The following TGFBI variants were observed in gnomAD, a reference collection of about 807,000 sequenced individuals.
TGFBI encodes the protein transforming growth factor-beta-induced protein ig-h3.
In TGFBI, 50 loss-of-function variants were observed where a neutral mutation model predicts 73.7. The ratio of observed to expected loss-of-function variants is 0.68; its 90% confidence interval spans 0.54 to 0.86. The LOEUF (loss-of-function observed/expected upper bound fraction) is 0.86. TGFBI is among the 40% of genes least tolerant of loss of function. The pLI, the probability that TGFBI is intolerant of heterozygous loss-of-function variation, is 0.00. For synonymous variants in TGFBI, 362 were observed against 360.5 expected (o/e 1.00, Z -0.05); for missense variants, 839 against 877.0 (o/e 0.96, Z 0.55).
intron 6 of TGFBI, chr5:136,049,078 G>C (rs1407849943): frequency 4.7e-6 from 1 of 213,174 alleles, no homozygotes; most frequent in Non-Finnish European, 9.5e-6. Flanking sequence ...CGGTGAGATG[G>C]GGTGGGAAGT....
intron 15 of TGFBI, 80 bp downstream of exon 15, chr5:136,061,659 CCT>C (rs1426527840): frequency 8.3e-7 from 1 of 1,207,190 alleles, no homozygotes; most frequent in Non-Finnish European, 1.2e-6. Flanking sequence ...CTCTCCAGCC[CCT>C]GTCTTCCTTG....
chr5:136,045,080 G>A lies in TGFBI; in HGVS notation c.298+958G>A, dbSNP rs552442888. ...GGGTGAAGAACCCACAGATACGAAGGGCCAACTGTATTGGCTATTTTTTTA... is the reference window on the plus strand; with the variant it reads ...GGGTGAAGAACCCACAGATACGAAGAGCCAACTGTATTGGCTATTTTTTTA... On this transcript the variant is annotated intron_variant, in intron 3 of 16. Transcript: ENST00000442011. Among the ~76,000 whole-genome samples the A allele has an allele frequency of 9.9e-5, 15 of 152,206 alleles. No individual in the cohort carries two copies. The South Asian group carries it at 2.9e-3, about 29-fold the overall frequency.
chr5:136,047,736 C>T (rs927315530), intron 6 of TGFBI: 11 of 314,486 alleles, frequency 3.5e-5, no homozygotes, highest in Non-Finnish European at 1.2e-5. Context: ...GGTGGCAGTT[C>T]CCACATGGGG....
chr5:136,032,748 C>T (rs1751143899), intron 1 of TGFBI, among the ~76,000 whole-genome samples: 1 of 152,134 alleles, frequency 6.6e-6, no homozygotes, highest in Non-Finnish European at 1.5e-5. Context: ...CTGACCACGC[C>T]TCTCCTGACT....
chr5:136,046,342 ACT>A lies in TGFBI; in HGVS notation c.310_311del (p.Ser104LysfsTer27). The A allele has an allele frequency of 6.2e-7, 1 of 1,613,348 alleles. No individual in the cohort carries two copies. The highest frequency in any genetic ancestry group is 8.5e-7 in the Non-Finnish European group (1 of 1,179,678). ...TGTCTTCTGCTCCTGCAGCCCTACC[ACT>A]CTCAAACCTTTACGAGACCCTGGGA... Reference protein sequence around the residue: ...GEKGCPAALPLSNLYETLGVV... With the variant: ...GEKGCPAALPXSNLYETLGVV... On this transcript the variant is annotated frameshift_variant, in exon 4 of 17. Transcript: ENST00000442011. LOFTEE classifies it high-confidence loss of function.
In TGFBI at chr5:136,059,078, C is replaced by T. The variant is rs373096083; in HGVS notation, c.1679-12C>T. 1.6e-5 allele frequency: 25 copies of T among 1,609,122 alleles called. No individual in the cohort carries two copies. Among genetic ancestry groups the T allele is most frequent in the African/African-American group, 8.0e-5 (6 of 74,846 alleles). On this transcript the variant is annotated splice_polypyrimidine_tract_variant and intron_variant, in intron 12 of 16. Transcript: ENST00000442011. ...TGGGATTAACTCTATCTCCTTTTCCCGCAACCTGCAGGAGATGCCAAGGAA... is the reference window on the plus strand; with the variant it reads ...TGGGATTAACTCTATCTCCTTTTCCTGCAACCTGCAGGAGATGCCAAGGAA...
chr5:136,047,591 C>A, intron 6 of TGFBI, 171 bp downstream of exon 6: 1 of 770,336 alleles, frequency 1.3e-6, no homozygotes, highest in Non-Finnish European at 2.1e-6. Context: ...AGACATTCAG[C>A]TTGACCTAAC....
chr5:136,055,582 T>C (rs997522670), intron 10 of TGFBI, 98 bp from the exon 11 acceptor site: 2 of 1,197,352 alleles, frequency 1.7e-6, no homozygotes, highest in African/African-American at 3.1e-5. Context: ...CTCCTTCATC[T>C]TCATGGATAA....
rs377498453 is a variant in TGFBI, at chr5:136,035,482, G to A, written c.233+1621G>A. On this transcript the variant is annotated intron_variant, in intron 2 of 16. Transcript: ENST00000442011. ...ACTAAAAAAATACAAAAATATTAGC[G>A]GGCGTGGTGGCGGGCACCTGTAGTC... Among the ~76,000 whole-genome samples the A allele has an allele frequency of 5.2e-4, 79 of 151,968 alleles. 1 individual carries two copies. The highest frequency in any genetic ancestry group is 3.3e-3 in the South Asian group (16 of 4,804).
intron 16 of TGFBI, 111 bp from the exon 17 acceptor site, chr5:136,063,075 G>A: frequency 1.1e-6 from 1 of 939,806 alleles, no homozygotes; most frequent in Non-Finnish European, 1.7e-6. Context: ...ATGTGCAGGA[G>A]AGCATGGCAG....
Position 136,059,253 on chromosome 5 carries a change from C to G in TGFBI, c.1803+39C>G, listed in dbSNP as rs78118538. The G allele has an allele frequency of 5.9e-3, 9,385 of 1,600,876 alleles. 251 individuals carry two copies. The East Asian group carries it at 0.069, about 12-fold the overall frequency. ...AAATCAAAGGCTGGCTAAATTTCCC[C>G]AGGGCAGGGCTCCAGGACATATCTC... On this transcript the variant is annotated intron_variant, in intron 13 of 16. Coordinates refer to ENST00000442011, the MANE Select transcript of TGFBI (RefSeq NM_000358.3).
In TGFBI at chr5:136,052,982, T is replaced by C; in HGVS notation, c.989T>C (p.Leu330Pro). The part of the protein sequence containing the change: ...AIVAGLSVET[L>P]EGTTLEVGCS... ...GTTGCGGGGCTGTCTGTAGAGACCC[T>C]GGAGGGCACGACACTGGAGGTGGGC... Residue 330 changes from leucine (L) to proline (P), a missense_variant, in exon 8 of 17, where the codon CTG (leucine) becomes CCG (proline). Transcript: ENST00000442011. The C allele has an allele frequency of 3.1e-6, 5 of 1,614,014 alleles. No homozygotes were observed. Among genetic ancestry groups the C allele is most frequent in the Non-Finnish European group, 4.2e-6 (5 of 1,179,884 alleles).
chr5:136,055,773 A>G lies in TGFBI; in HGVS notation c.1504A>G (p.Met502Val), dbSNP rs188677757. 3,250 of 1,612,746 alleles carry G rather than the reference A, an allele frequency of 2.0e-3. 2 individuals carry two copies. Among genetic ancestry groups the G allele is most frequent in the Admixed American group, 3.1e-3 (187 of 59,970 alleles). Residue 502 changes from methionine to valine, a missense_variant, in exon 11 of 17, where the codon ATG becomes GTG. By Grantham distance (21) the Met-to-Val change is conservative. Transcript: ENST00000442011. ...GATGGACCGGGTGCTGACCCCCCCAATGGGGACTGTCATGGATGTCCTGAA... is the reference window on the plus strand; with the variant it reads ...GATGGACCGGGTGCTGACCCCCCCAGTGGGGACTGTCATGGATGTCCTGAA... ...FTMDRVLTPPMGTVMDVLKGD... is the reference protein window; with the variant it reads ...FTMDRVLTPPVGTVMDVLKGD...
chr5:136,041,163 G>A (rs557002861), intron 2 of TGFBI, among the ~76,000 whole-genome samples: 42 of 152,382 alleles, frequency 2.8e-4, no homozygotes, highest in Admixed American at 7.8e-4. Flanking sequence ...GGCTGAAGGC[G>A]TGGCTAACCC....
At chr5:136,037,960 A>T (rs1460596412) in intron 2 of TGFBI, among the ~76,000 whole-genome samples, 1 of 152,114 alleles carries the variant, frequency 6.6e-6, no homozygotes, top group Middle Eastern at 3.2e-3. Flanking sequence ...CAAGAGGAAA[A>T]AAAAGAAGAT....
chr5:136,038,996 G>A (rs1751281285), intron 2 of TGFBI, among the ~76,000 whole-genome samples: 1 of 152,188 alleles, frequency 6.6e-6, no homozygotes, highest in Non-Finnish European at 1.5e-5. Context: ...GTCACAGAAA[G>A]CAATGGGAAG....
chr5:136,035,760 G>A (rs1407439399), intron 2 of TGFBI, among the ~76,000 whole-genome samples: 1 of 152,024 alleles, frequency 6.6e-6, no homozygotes, highest in South Asian at 2.1e-4. Context: ...TTGCTTCTTG[G>A]AAGGTGACCA....
At chr5:136,051,112 A>T (rs1751525043) in intron 7 of TGFBI, among the ~76,000 whole-genome samples, 1 of 152,224 alleles carries the variant, frequency 6.6e-6, no homozygotes, top group African/African-American at 2.4e-5. Context: ...CATGATTTGC[A>T]CAGAGCACAT....
chr5:136,057,705 C>G (rs1328464401), intron 12 of TGFBI, among the ~76,000 whole-genome samples: 1 of 152,000 alleles, frequency 6.6e-6, no homozygotes. Context: ...CCTTGGGGCC[C>G]ACATTGTCTA....
Sources: gnomAD v4.1 joint callset for allele counts (sites outside exome capture counted in the v4.1 genomes callset) on GRCh38, gnomAD v4.1.1 for gene constraint, MANE v1.5 for transcripts, NCBI Gene and HGNC (gene_info 2026-07-23, HGNC 2026-07-21) for gene names.